The following RAD17 variants were observed in gnomAD, a reference collection of about 807,000 sequenced individuals.
RAD17 encodes the protein cell cycle checkpoint protein RAD17.
A neutral mutation model predicts 81.5 loss-of-function variants in RAD17; 31 were observed. The ratio of observed to expected loss-of-function variants is 0.38; its 90% CI spans 0.29 to 0.51. The LOEUF (loss-of-function observed/expected upper bound fraction) is 0.51. RAD17 is among the 20% of genes least tolerant of loss of function. RAD17 has a pLI of 0.88. For missense variants in RAD17, 681 were observed against 781.2 expected (o/e 0.87, Z 1.53); for synonymous variants, 261 against 266.2 (o/e 0.98, Z 0.19).
At chr5:69,373,712 T>TAA in intron 4 of RAD17, 118 bp from the exon 5 acceptor site, 6 of 373,546 alleles carry the variant, frequency 1.6e-5, no homozygotes, top group South Asian at 1.1e-4. Flanking sequence ...TTTTTTTTTT[T>TAA]TTTTAAGTTT....
intron 8 of RAD17, among the ~76,000 whole-genome samples, chr5:69,385,522 T>G (rs1764158993): frequency 6.6e-6 from 1 of 152,040 alleles, no homozygotes; most frequent in African/African-American, 2.4e-5. Context: ...TCCTCCCGCC[T>G]TGGCCTCCCG....
At chr5:69,369,631 C>T (rs768535687), upstream of RAD17, 1 of 1,566,626 alleles carries the variant, frequency 6.4e-7, no homozygotes. Context: ...CCTGCCCCGG[C>T]GGCCCAGCCG....
chr5:69,376,168 T>C (rs1763321450), intron 6 of RAD17, among the ~76,000 whole-genome samples: 1 of 152,198 alleles, frequency 6.6e-6, no homozygotes, highest in South Asian at 2.1e-4. Flanking sequence ...TCAAAAATCT[T>C]CATTGTAGAG....
intron 17 of RAD17, among the ~76,000 whole-genome samples, chr5:69,409,049 G>T (rs1224532852): frequency 6.6e-6 from 1 of 152,030 alleles, no homozygotes; most frequent in Non-Finnish European, 1.5e-5. Context: ...TGCCCTTTAG[G>T]CTTGAACTTC....
Position 69,386,294 on chromosome 5 carries a change from C to T in RAD17, c.813C>T (p.Ile271=). Residue 271 remains isoleucine (I), a synonymous_variant, in exon 10 of 19, where the codon ATC becomes ATT. Coordinates refer to ENST00000354868, the MANE Select transcript of RAD17 (RefSeq NM_133338.3). ...AAGAAATTCAGGAAGAGTGTTCTAT[C>T]TCAAATATTAGGTAAGAAAGAAATT... ...FPKEIQEECS[I]SNISFNPVAP... is the part of the protein sequence containing the mutation. 1 of 1,599,780 alleles carries T rather than the reference C, an allele frequency of 6.3e-7. No homozygotes were observed. The highest frequency in any genetic ancestry group is 8.5e-7 in the Non-Finnish European group (1 of 1,173,022).
chr5:69,396,621 T>C, intron 16 of RAD17, 75 bp downstream of exon 16: 2 of 1,342,756 alleles, frequency 1.5e-6, no homozygotes, highest in Non-Finnish European at 2.0e-6. Context: ...TCAAAGCAGT[T>C]ATTTTCTTTA....
chr5:69,373,149 GCTGT>G (rs1297169686), intron 4 of RAD17, among the ~76,000 whole-genome samples: 1 of 151,990 alleles, frequency 6.6e-6, no homozygotes. Context: ...TACTCTTATT[GCTGT>G]TTCTGTTAAA....
intron 18 of RAD17, 99 bp downstream of exon 18, chr5:69,410,649 G>T: frequency 9.1e-7 from 1 of 1,098,822 alleles, no homozygotes; most frequent in Non-Finnish European, 1.4e-6. Flanking sequence ...ATCCAAGAAA[G>T]ACATACTGTA....
Position 69,374,108 on chromosome 5 carries a change from A to G in RAD17, c.267+21A>G, listed in dbSNP as rs577555439. 531 of 1,579,290 alleles carry G rather than the reference A, an allele frequency of 3.4e-4. 3 individuals carry two copies. The South Asian group carries it at 5.9e-3, about 18-fold the overall frequency. On this transcript the variant is annotated intron_variant, in intron 5 of 18. Transcript: ENST00000354868. The stretch of plus-strand genomic sequence containing the variant: ...CTCAGGTACTGAAAAGCATGCAGAC[A>G]TATCTACATAATTTAATTTCAGGGT...
intron 15 of RAD17, among the ~76,000 whole-genome samples, chr5:69,393,907 G>GTTTTT (rs1561260239): frequency 2.1e-5 from 1 of 48,340 alleles, no homozygotes; most frequent in African/African-American, 6.3e-5. Context: ...GTGTTATGGT[G>GTTTTT]GTTTTTTTTT....
chr5:69,400,977 C>T (rs1561268570), intron 17 of RAD17, among the ~76,000 whole-genome samples: 1 of 151,528 alleles, frequency 6.6e-6, no homozygotes, highest in East Asian at 1.9e-4. Flanking sequence ...TATAAAGAGC[C>T]GAACGTGGTG....
intron 18 of RAD17, among the ~76,000 whole-genome samples, chr5:69,412,181 C>T (rs188274184): frequency 7.9e-5 from 12 of 152,170 alleles, no homozygotes; most frequent in African/African-American, 2.6e-4. Flanking sequence ...TGGTCTTGAT[C>T]TCCTGACCTC....
chr5:69,402,509 G>T (rs1765336466), intron 17 of RAD17, among the ~76,000 whole-genome samples: 1 of 151,942 alleles, frequency 6.6e-6, no homozygotes, highest in Non-Finnish European at 1.5e-5. Context: ...TAAAAAATCA[G>T]CCGGGCACGG....
intron 6 of RAD17, among the ~76,000 whole-genome samples, chr5:69,381,404 C>T (rs1050791416): frequency 8.5e-5 from 13 of 152,070 alleles, no homozygotes. Flanking sequence ...TGGCGTGAAC[C>T]CGGGAGGCGG....
chr5:69,376,849 G>A (rs1051290938), intron 6 of RAD17, among the ~76,000 whole-genome samples: 6 of 152,084 alleles, frequency 3.9e-5, no homozygotes, highest in African/African-American at 1.4e-4. Context: ...TGCCTCCTGG[G>A]TTCAAGCGAT....
chr5:69,378,651 C>T (rs1009755030), intron 6 of RAD17, among the ~76,000 whole-genome samples: 2 of 152,138 alleles, frequency 1.3e-5, no homozygotes, highest in African/African-American at 4.8e-5. Context: ...TTTTTGTCAA[C>T]CCATCAATAT....
chr5:69,395,243 G>T (rs1764809477), intron 15 of RAD17, among the ~76,000 whole-genome samples: 1 of 152,062 alleles, frequency 6.6e-6, no homozygotes, highest in Non-Finnish European at 1.5e-5. Context: ...CAGGAGTGGT[G>T]GTTCCTGCCA....
At position 69,393,520 on chromosome 5, in the gene RAD17, A is replaced by AATGTTT; in HGVS notation, c.1422+29_1422+34dup. The AATGTTT allele has an allele frequency of 6.3e-7, 1 of 1,578,200 alleles. No individual in the cohort carries two copies. Among genetic ancestry groups the AATGTTT allele is most frequent in the Non-Finnish European group, 8.6e-7 (1 of 1,166,448 alleles). On this transcript the variant is annotated intron_variant, in intron 15 of 18. Coordinates refer to ENST00000354868, the MANE Select transcript of RAD17 (RefSeq NM_133338.3). ...TGGAATGTAAGACCATTTGACTTAAAATGTTTATGTTTATAGTATTTCCTT... is the reference window on the plus strand; with the variant it reads ...TGGAATGTAAGACCATTTGACTTAAAATGTTTATGTTTATGTTTATAGTATTTCCTT...
chr5:69,385,062 C>G, intron 8 of RAD17, 129 bp downstream of exon 8: 2 of 769,276 alleles, frequency 2.6e-6, no homozygotes, highest in Admixed American at 3.5e-5. Flanking sequence ...CAGGTTCACG[C>G]CATTCTCCTG....
Sources: allele counts gnomAD v4.1 joint callset (sites outside exome capture counted in the v4.1 genomes callset), GRCh38; gene constraint gnomAD v4.1.1; transcripts MANE v1.5; gene names NCBI Gene and HGNC (gene_info 2026-07-23, HGNC 2026-07-21).